ATAD3A: variants seen among roughly 807,000 people sequenced by gnomAD.
ATAD3A encodes the protein ATPase family AAA domain containing 3A.
A neutral mutation model predicts 73.8 loss-of-function variants in ATAD3A; 46 were observed. That is an observed-to-expected ratio of 0.62 (90% confidence interval 0.49 to 0.80). The LOEUF (loss-of-function observed/expected upper bound fraction) is 0.80, where lower values mean the gene tolerates loss of function less well. ATAD3A is among the 30% of genes least tolerant of loss of function. ATAD3A has a pLI of 0.00. For missense variants in ATAD3A, 705 were observed against 838.0 expected, an observed-to-expected ratio of 0.84 and a Z score of 1.96; for synonymous variants, 319 against 350.0, an observed-to-expected ratio of 0.91 and a Z score of 0.99.
At chr1:1,521,636 GCCA>G (rs567836126) in intron 7 of ATAD3A, among the ~76,000 whole-genome samples, 249 of 152,392 alleles carry the variant, frequency 1.6e-3, no homozygotes, top group African/African-American at 5.6e-3. Flanking sequence ...AGGTGGTGTT[GCCA>G]CCATGTTGGT....
chr1:1,525,205 A>C (rs1570345788), intron 11 of ATAD3A, 35 bp from the exon 12 acceptor site: 1 of 1,612,140 alleles, frequency 6.2e-7, no homozygotes, highest in Non-Finnish European at 8.5e-7. Context: ...TCCTGGTGTC[A>C]CTCTCGCCCT....
chr1:1,527,926 A>T, intron 14 of ATAD3A, 64 bp downstream of exon 14: 1 of 1,490,218 alleles, frequency 6.7e-7, no homozygotes. Flanking sequence ...CCCGACCCAC[A>T]GTCCACCATC....
At chr1:1,515,500 G>A (rs957073185) in intron 1 of ATAD3A, among the ~76,000 whole-genome samples, 1 of 152,064 alleles carries the variant, frequency 6.6e-6, no homozygotes, top group African/African-American at 2.4e-5. Context: ...CCCAAACATC[G>A]ACCTGTGTCA....
intron 15 of ATAD3A, among the ~76,000 whole-genome samples, chr1:1,531,625 A>T (rs1299075857): frequency 6.7e-6 from 1 of 150,024 alleles, no homozygotes; most frequent in Admixed American, 6.6e-5. Context: ...ATACAAAAAA[A>T]AAATTAGCCA....
At chr1:1,522,631 G>A in intron 7 of ATAD3A, 113 bp from the exon 8 acceptor site, 1 of 1,553,730 alleles carries the variant, frequency 6.4e-7, no homozygotes, top group Non-Finnish European at 8.7e-7. Flanking sequence ...CCAGTGCACG[G>A]CCCTGTGCTT....
intron 2 of ATAD3A, 82 bp from the exon 3 acceptor site, chr1:1,517,229 C>A (rs751053415): frequency 3.2e-6 from 5 of 1,545,680 alleles, no homozygotes; most frequent in Non-Finnish European, 4.4e-6. Context: ...TCTGCCGTGC[C>A]GGAGCCGTGC....
intron 13 of ATAD3A, 59 bp downstream of exon 13, chr1:1,526,590 G>T: frequency 6.2e-7 from 1 of 1,610,932 alleles, no homozygotes; most frequent in Non-Finnish European, 8.5e-7. Context: ...GTCGCCCTTG[G>T]TTCCCACCGA....
At position 1,534,220 on chromosome 1, in the gene ATAD3A, G is replaced by C. The variant is rs533635888; in HGVS notation, c.*148G>C. ...GTCCCCCAGGATGTCTTGTGGTGCG[G>C]GTCGGCCGTTCTGCCCCCCAGGGCA... On this transcript the variant is annotated 3_prime_UTR_variant, in exon 16 of 16. Transcript: ENST00000378756. 2,354 of 1,502,234 alleles carry C rather than the reference G, an allele frequency of 1.6e-3. 10 individuals are homozygous for C. Among genetic ancestry groups the C allele is most frequent in the Non-Finnish European group, 1.9e-3 (2,127 of 1,127,460 alleles). The allele number at this position is 1,502,234 out of a possible 1,614,324, so 93.1% of individuals were successfully genotyped here.
At chr1:1,518,878 C>G (rs754994514) in intron 4 of ATAD3A, 43 bp from the exon 5 acceptor site, 4 of 1,614,100 alleles carry the variant, frequency 2.5e-6, no homozygotes, top group Non-Finnish European at 3.4e-6. Flanking sequence ...GGCACAGTCA[C>G]AGGTTTTAAA....
Position 1,523,834 on chromosome 1 carries a change from G to A in ATAD3A, c.964-5G>A, listed in dbSNP as rs543920110. 39 of 1,613,804 alleles carry A rather than the reference G, an allele frequency of 2.4e-5. No individual in the cohort carries two copies. The African/African-American group carries it at 3.7e-4, about 15-fold the overall frequency. ...TCTCCTCCAAACCCCCGTCTTCCCC[G>A]GCAGCCCAGCCTGGAAGCACGGGTG... On this transcript the variant is annotated splice_region_variant and splice_polypyrimidine_tract_variant and intron_variant, in intron 9 of 15. Transcript: ENST00000378756. The surrounding 1 kb of genome is among the most constrained non-coding windows in gnomAD (Gnocchi z 5.1).
At chr1:1,513,880 G>A (rs1282525318) in intron 1 of ATAD3A, among the ~76,000 whole-genome samples, 2 of 152,086 alleles carry the variant, frequency 1.3e-5, no homozygotes, top group Non-Finnish European at 2.9e-5. Flanking sequence ...CCTCCTCACC[G>A]ACTGCCTCCT....
intron 4 of ATAD3A, among the ~76,000 whole-genome samples, chr1:1,518,684 CA>C (rs1321090184): frequency 7.3e-3 from 853 of 116,614 alleles, no homozygotes; most frequent in East Asian, 0.019. Flanking sequence ...CACACACACA[CA>C]CACACCCAAA....
rs191127938 is a variant in ATAD3A at position 1,518,610 on chromosome 1, C to T, written c.445-311C>T. ...CCGCACATGGGCACACACCCACACACGGGCGTACACACCCCCCCCCACAGG... is the reference window on the plus strand; with the variant it reads ...CCGCACATGGGCACACACCCACACATGGGCGTACACACCCCCCCCCACAGG... On this transcript the variant is annotated intron_variant, in intron 4 of 15. Coordinates refer to ENST00000378756, the MANE Select transcript of ATAD3A (RefSeq NM_001170535.3). Among the ~76,000 whole-genome samples, 378 of 119,150 alleles carry T rather than the reference C, an allele frequency of 3.2e-3. 1 individual carries two copies. Among genetic ancestry groups the T allele is most frequent in the African/African-American group, 0.014 (359 of 25,148 alleles). The allele number at this position is 119,150 out of a possible 152,430, so 78.2% of individuals were successfully genotyped here. A position where few individuals can be genotyped will look rare whatever the true frequency, so the allele number is the denominator to read the frequency against.
chr1:1,515,435 G>C (rs540198231), intron 1 of ATAD3A, among the ~76,000 whole-genome samples: 162 of 152,254 alleles, frequency 1.1e-3, no homozygotes, highest in African/African-American at 3.6e-3. Context: ...AAAATTTTGA[G>C]ACCTGATGCT....
At chr1:1,513,078 G>C (rs2100639626) in intron 1 of ATAD3A, among the ~76,000 whole-genome samples, 1 of 152,336 alleles carries the variant, frequency 6.6e-6, no homozygotes, top group Non-Finnish European at 1.5e-5. Context: ...CTTGAATTCT[G>C]GCCTCAGGTG....
At position 1,524,253 on chromosome 1, in the gene ATAD3A, C is replaced by G. The variant is rs932016069; in HGVS notation, c.1090-20C>G. On this transcript the variant is annotated intron_variant, in intron 10 of 15. Transcript: ENST00000378756. ...GCGGAGGGAACATCTGCTCTGTCTC[C>G]CCTCACTCTTCCTGTCCAGAAACTC... 2.5e-6 allele frequency: 4 copies of G among 1,613,898 alleles called. No homozygotes were observed. The highest frequency in any genetic ancestry group is 3.3e-5 in the Admixed American group (2 of 60,024).
chr1:1,527,833 T>C lies in ATAD3A; in HGVS notation c.1476T>C (p.Tyr492=). 1.2e-6 allele frequency: 2 copies of C among 1,613,826 alleles called. No individual in the cohort carries two copies. Among genetic ancestry groups the C allele is most frequent in the Non-Finnish European group, 1.7e-6 (2 of 1,179,918 alleles). ...ERLVRMYFDK[Y]VLKPATEGKQ... is the part of the protein sequence containing the mutation. ...TGGTGAGAATGTATTTTGACAAGTA[T>C]GTTCTTAAGCCGGCCACAGAAGGAA... Residue 492 remains tyrosine (Y), a synonymous_variant, in exon 14 of 16, where the codon TAT becomes TAC. Coordinates refer to ENST00000378756, the MANE Select transcript of ATAD3A (RefSeq NM_001170535.3).
intron 15 of ATAD3A, among the ~76,000 whole-genome samples, chr1:1,533,562 C>T (rs1464606665): frequency 6.6e-6 from 1 of 152,182 alleles, no homozygotes; most frequent in African/African-American, 2.4e-5. Flanking sequence ...GTCTGAGGTG[C>T]ACTATGACCC....
chr1:1,518,530 CCA>C (rs1347290840), intron 4 of ATAD3A, among the ~76,000 whole-genome samples: 3 of 115,034 alleles, frequency 2.6e-5, no homozygotes, highest in Non-Finnish European at 3.5e-5. Flanking sequence ...CGCACAGACC[CCA>C]CACACACATA....
Sources: gnomAD v4.1 joint callset for allele counts (sites outside exome capture counted in the v4.1 genomes callset) on GRCh38, gnomAD v4.1.1 for gene constraint, Gnocchi (gnomAD v3.1) non-coding constraint, MANE v1.5 for transcripts, NCBI Gene and HGNC (gene_info 2026-07-23, HGNC 2026-07-21) for gene names.